TBC1D5: variants seen among roughly 807,000 people sequenced by gnomAD.
The protein encoded by TBC1D5 is TBC1 domain family, member 5.
In TBC1D5, 75 loss-of-function variants were observed where a neutral mutation model predicts 100.3. The observed-to-expected ratio is 0.75, with a 90% CI of 0.62 to 0.91. The LOEUF (loss-of-function observed/expected upper bound fraction) is 0.91. Among genes scored for constraint, TBC1D5 ranks in the 40% least tolerant of loss-of-function variants. The pLI is 0.00. For synonymous variants in TBC1D5, 323 were observed against 325.6 expected (o/e 0.99, Z 0.09); for missense variants, 910 against 942.4 (o/e 0.97, Z 0.45).
chr3:17,592,227 C>T (rs769927135), intron 2 of TBC1D5, among the ~76,000 whole-genome samples: 24 of 152,282 alleles, frequency 1.6e-4, no homozygotes, highest in Non-Finnish European at 2.8e-4. Context: ...TAATCTTATT[C>T]GGAGAGATTT....
intron 2 of TBC1D5, among the ~76,000 whole-genome samples, chr3:17,546,445 G>A (rs1410574901): frequency 6.6e-6 from 1 of 151,978 alleles, no homozygotes; most frequent in Non-Finnish European, 1.5e-5. Flanking sequence ...TACATATATA[G>A]TTATCCATTT....
At chr3:17,292,030 G>T (rs2081813440) in intron 14 of TBC1D5, 29 bp from the exon 15 acceptor site, 1 of 1,559,210 alleles carries the variant, frequency 6.4e-7, no homozygotes, top group East Asian at 2.2e-5. Flanking sequence ...TAATTCAGAT[G>T]CAATACTATT....
chr3:17,630,817 C>T (rs2063427329), intron 1 of TBC1D5, among the ~76,000 whole-genome samples: 1 of 150,018 alleles, frequency 6.7e-6, no homozygotes, highest in African/African-American at 2.5e-5. Flanking sequence ...GGGCCGATCA[C>T]GAGGTCAGGA....
chr3:17,288,163 C>T (rs2081353103), intron 15 of TBC1D5, among the ~76,000 whole-genome samples: 1 of 151,944 alleles, frequency 6.6e-6, no homozygotes, highest in African/African-American at 2.4e-5. Flanking sequence ...CTCTTTTTTT[C>T]CCCCTTAGCA....
intron 18 of TBC1D5, among the ~76,000 whole-genome samples, chr3:17,205,031 A>T (rs2071969525): frequency 6.6e-6 from 1 of 152,226 alleles, no homozygotes; most frequent in African/African-American, 2.4e-5. Context: ...CGAATGACTA[A>T]ATGTATGTTT....
At chr3:17,675,970 C>T (rs943062783) in intron 1 of TBC1D5, among the ~76,000 whole-genome samples, 1 of 152,006 alleles carries the variant, frequency 6.6e-6, no homozygotes, top group Non-Finnish European at 1.5e-5. Context: ...ACTAGTCATT[C>T]TATTTTTTTC....
chr3:17,732,833 T>C (rs2076678991), intron 1 of TBC1D5, among the ~76,000 whole-genome samples: 1 of 152,154 alleles, frequency 6.6e-6, no homozygotes, highest in Non-Finnish European at 1.5e-5. Context: ...ATATCAGTAG[T>C]TTCATGTTAT....
At chr3:17,430,664 A>G (rs955713778) in intron 3 of TBC1D5, among the ~76,000 whole-genome samples, 3 of 151,928 alleles carry the variant, frequency 2.0e-5, no homozygotes. Flanking sequence ...TTGTTCCCTC[A>G]ATCCTCTAGT....
At chr3:17,727,305 C>T (rs1237255897) in intron 1 of TBC1D5, among the ~76,000 whole-genome samples, 3 of 152,240 alleles carry the variant, frequency 2.0e-5, no homozygotes, top group African/African-American at 7.2e-5. Flanking sequence ...CGCTTGATCC[C>T]GGGAGGCAGA....
intron 13 of TBC1D5, among the ~76,000 whole-genome samples, chr3:17,325,806 G>C (rs114730700): frequency 0.022 from 3,354 of 152,254 alleles, 118 homozygotes; most frequent in African/African-American, 0.075. Context: ...TGCAGGAACA[G>C]CTTTTACGTA....
intron 1 of TBC1D5, among the ~76,000 whole-genome samples, chr3:17,657,329 C>A (rs199931167): frequency 9.3e-6 from 1 of 107,062 alleles, no homozygotes; most frequent in Non-Finnish European, 1.9e-5. Context: ...CAAATTCTTT[C>A]TTTTTTTTTT....
intron 13 of TBC1D5, among the ~76,000 whole-genome samples, chr3:17,358,437 C>G (rs544780322): frequency 1.3e-5 from 2 of 152,120 alleles, no homozygotes; most frequent in African/African-American, 4.8e-5. Flanking sequence ...CCTCCCACCT[C>G]GGCCTCCCAA....
At chr3:17,193,069 T>A (rs1211234255) in intron 18 of TBC1D5, among the ~76,000 whole-genome samples, 1 of 152,236 alleles carries the variant, frequency 6.6e-6, no homozygotes, top group Admixed American at 6.5e-5. Flanking sequence ...GGATAAAACC[T>A]CTACATTAAA....
chr3:17,740,091 C>G (rs765684319), exon 1 of TBC1D5: 2 of 151,082 alleles, frequency 1.3e-5, no homozygotes, highest in Non-Finnish European at 2.9e-5. Flanking sequence ...GAGATGGACA[C>G]ATCACTTGAG....
chr3:17,450,523 T>G (rs537019476), intron 3 of TBC1D5, among the ~76,000 whole-genome samples: 1 of 151,944 alleles, frequency 6.6e-6, no homozygotes, highest in Non-Finnish European at 1.5e-5. Context: ...GAATAACCAG[T>G]GTAGAGAAGA....
chr3:17,726,428 A>T (rs1259346407), intron 1 of TBC1D5, among the ~76,000 whole-genome samples: 8 of 152,202 alleles, frequency 5.3e-5, no homozygotes, highest in Admixed American at 5.2e-4. Flanking sequence ...ATGGTATCTC[A>T]TTGTGGGTTT....
At chr3:17,344,021 T>C (rs1009692823) in intron 13 of TBC1D5, among the ~76,000 whole-genome samples, 1 of 152,162 alleles carries the variant, frequency 6.6e-6, no homozygotes, top group Non-Finnish European at 1.5e-5. Context: ...TTTTGAATGT[T>C]TGCTCTTGCT....
At position 17,348,670 on chromosome 3, in the gene TBC1D5, C is replaced by T. The variant is rs373585919; in HGVS notation, c.995+23405G>A. 9.2e-5 allele frequency among the ~76,000 whole-genome samples: 14 copies of T among 152,218 alleles called. No homozygotes were observed. The South Asian group carries it at 2.5e-3, about 27-fold the overall frequency. ...CCACAGTAGTTAATCATAAAGGCTG[C>T]AGGCAAAACGCACTAAATTCTAATA... On this transcript the variant is annotated intron_variant, in intron 13 of 21. Coordinates refer to ENST00000253692, the Ensembl canonical transcript of TBC1D5.
intron 18 of TBC1D5, among the ~76,000 whole-genome samples, chr3:17,209,161 T>G (rs144246505): frequency 6.6e-6 from 1 of 152,342 alleles, no homozygotes; most frequent in Non-Finnish European, 1.5e-5. Flanking sequence ...CTATCTAGTC[T>G]ATCTAAGACA....
Sources: gnomAD v4.1 joint callset for allele counts (sites outside exome capture counted in the v4.1 genomes callset) on GRCh38, gnomAD v4.1.1 for gene constraint, MANE v1.5 for transcripts, NCBI Gene and HGNC (gene_info 2026-07-23, HGNC 2026-07-21) for gene names.